Variants in ITGA2 observed in about 807,000 individuals in gnomAD.
ITGA2 encodes integrin subunit alpha 2.
A neutral mutation model predicts 146.3 loss-of-function variants in ITGA2; 101 were observed. The observed-to-expected ratio is 0.69, with a 90% CI of 0.59 to 0.81. The LOEUF is 0.81. Ranked by LOEUF, ITGA2 falls within the 40% of genes least tolerant of loss-of-function variation. The pLI is 0.00. For synonymous variants in ITGA2, 477 were observed against 487.1 expected, an observed-to-expected ratio of 0.98 and a Z score of 0.27; for missense variants, 1,281 against 1,402.7, an observed-to-expected ratio of 0.91 and a Z score of 1.39.
rs1288575039 is a variant in ITGA2, at chr5:53,003,628, T to C, written c.64+14096T>C. ...CAGAATGGATGGGCTTTTATAACCT[T>C]GGCTCAGAAATCACATAACTGCATC... is the stretch of plus-strand genomic sequence containing the variant. On this transcript the variant is annotated intron_variant, in intron 1 of 29. Transcript: ENST00000296585. Among the ~76,000 whole-genome samples the C allele has an allele frequency of 2.6e-5, 4 of 152,142 alleles. No homozygotes were observed. In the East Asian group the frequency reaches 5.8e-4, roughly 22 times the overall value.
Position 53,018,153 on chromosome 5 carries a change from C to T in ITGA2, c.65-8595C>T, listed in dbSNP as rs72760414. 8.6e-3 allele frequency among the ~76,000 whole-genome samples: 1,306 copies of T among 152,270 alleles called. 7 individuals carry two copies. Among genetic ancestry groups the T allele is most frequent in the Non-Finnish European group, 0.014 (948 of 67,998 alleles). On this transcript the variant is annotated intron_variant, in intron 1 of 29. Transcript: ENST00000296585. ...GATAGGACTGGCCCCATCCCACGGG[C>T]AAGACTGCCCTGCTCTGTCCGGGTC...
At chr5:53,011,811 T>C (rs1356208598) in intron 1 of ITGA2, among the ~76,000 whole-genome samples, 2 of 151,862 alleles carry the variant, frequency 1.3e-5, no homozygotes, top group Non-Finnish European at 2.9e-5. Context: ...CAGAAGGATG[T>C]TGGAATTAGA....
rs1740329696 is a variant in ITGA2, at chr5:53,089,896, C to T, written c.3349-50C>T. On this transcript the variant is annotated intron_variant, in intron 28 of 29. Transcript: ENST00000296585. Reference sequence around the variant, plus strand: ...TAGAGAATTGGACTAGACCATCTCCCCCCTTTTTTGTGGTATTAAAATAAC... The same window carrying T: ...TAGAGAATTGGACTAGACCATCTCCTCCCTTTTTTGTGGTATTAAAATAAC... The T allele has an allele frequency of 9.4e-6, 10 of 1,062,170 alleles. No homozygotes were observed. In the East Asian group the frequency reaches 2.1e-4, roughly 23 times the overall value. The allele number at this position is 1,062,170 out of a possible 1,614,324, so 65.8% of individuals were successfully genotyped here. A position where few individuals can be genotyped will look rare whatever the true frequency, so the allele number is the denominator to read the frequency against.
At position 53,056,118 on chromosome 5, in the gene ITGA2, G is replaced by A. The variant is rs776031989; in HGVS notation, c.1065G>A (p.Gly355=). The stretch of plus-strand genomic sequence containing the variant: ...AAGCAGCTCTACTAGAAAAGGCTGG[G>A]ACATTAGGAGAACAAATTTTCAGCA... ...SDEAALLEKA[G]TLGEQIFSIE... The change falls in exon 9 of 30, where the codon GGG becomes GGA. Residue 355 remains glycine (G), a synonymous_variant. Transcript: ENST00000296585. 17 of 1,611,808 alleles carry A rather than the reference G, an allele frequency of 1.1e-5. No individual in the cohort carries two copies. In the Admixed American group the frequency reaches 2.7e-4, roughly 25 times the overall value.
chr5:53,020,328 C>T (rs1561095600), intron 1 of ITGA2, among the ~76,000 whole-genome samples: 1 of 152,136 alleles, frequency 6.6e-6, no homozygotes, highest in Non-Finnish European at 1.5e-5. Flanking sequence ...AGACTTATTA[C>T]AAACATAGAG....
intron 14 of ITGA2, 37 bp downstream of exon 14, chr5:53,065,152 T>C: frequency 6.3e-7 from 1 of 1,589,588 alleles, no homozygotes; most frequent in Non-Finnish European, 8.6e-7. Context: ...TATGTATTTG[T>C]GGGTCTTATC....
chr5:53,002,141 A>G (rs1439860675), intron 1 of ITGA2, among the ~76,000 whole-genome samples: 2 of 152,090 alleles, frequency 1.3e-5, no homozygotes, highest in Non-Finnish European at 2.9e-5. Flanking sequence ...TTCAAAATAG[A>G]TTAAAACAAT....
chr5:53,002,941 GA>G (rs1425546761), intron 1 of ITGA2, among the ~76,000 whole-genome samples: 1 of 151,586 alleles, frequency 6.6e-6, no homozygotes, highest in Non-Finnish European at 1.5e-5. Context: ...CCTATCTTTT[GA>G]AAAAAAATAT....
intron 1 of ITGA2, among the ~76,000 whole-genome samples, chr5:53,018,818 C>T (rs1742527554): frequency 6.6e-6 from 1 of 152,150 alleles, no homozygotes; most frequent in Admixed American, 6.5e-5. Context: ...AATTCCAGCA[C>T]TTTGGGAGGC....
At chr5:53,054,423 T>C (rs1214171678) in intron 7 of ITGA2, among the ~76,000 whole-genome samples, 1 of 152,166 alleles carries the variant, frequency 6.6e-6, no homozygotes, top group African/African-American at 2.4e-5. Flanking sequence ...TTTGATACTA[T>C]CTATTAAAAT....
At chr5:53,072,171 A>G in intron 18 of ITGA2, 123 bp downstream of exon 18, 1 of 734,544 alleles carries the variant, frequency 1.4e-6, no homozygotes, top group Non-Finnish European at 2.4e-6. Flanking sequence ...ATGAACTACA[A>G]TTACATATGC....
chr5:53,034,192 C>T (rs953253699), intron 2 of ITGA2, among the ~76,000 whole-genome samples: 3 of 152,014 alleles, frequency 2.0e-5, no homozygotes, highest in South Asian at 2.1e-4. Context: ...TATATTCTTA[C>T]ACTTTTATTT....
chr5:53,091,614 A>G lies in ITGA2; in HGVS notation c.*1015A>G, dbSNP rs577409557. 4.6e-5 allele frequency: 7 copies of G among 152,284 alleles called. No individual in the cohort carries two copies. Among genetic ancestry groups the G allele is most frequent in the African/African-American group, 1.7e-4 (7 of 41,528 alleles). The allele number at this position is 152,284 out of a possible 1,614,324, so 9.4% of individuals were successfully genotyped here. A position where few individuals can be genotyped will look rare whatever the true frequency, so the allele number is the denominator to read the frequency against. On this transcript the variant is annotated 3_prime_UTR_variant, in exon 30 of 30. Transcript: ENST00000296585. ...GCCTGACTTTCTCTCCAGCGGTCCAAAGTTATCCCCTCCTTTACCCCTCAT... is the reference window on the plus strand; with the variant it reads ...GCCTGACTTTCTCTCCAGCGGTCCAGAGTTATCCCCTCCTTTACCCCTCAT...
chr5:53,030,111 G>A lies in ITGA2; in HGVS notation c.185+3243G>A, dbSNP rs1397428925. ...CTGCTGGTTGGAAGTTGAACAAGAC[G>A]AAAAGGGACACAGAGTTGAGAGGAT... On this transcript the variant is annotated intron_variant, in intron 2 of 29. Transcript: ENST00000296585. Among the ~76,000 whole-genome samples the A allele has an allele frequency of 5.3e-5, 8 of 152,342 alleles. No individual in the cohort carries two copies. In the South Asian group the frequency reaches 8.3e-4, roughly 16 times the overall value.
chr5:53,076,944 C>T (rs764359889), intron 23 of ITGA2, among the ~76,000 whole-genome samples: 8 of 152,020 alleles, frequency 5.3e-5, no homozygotes, highest in Admixed American at 2.0e-4. Context: ...TCCCCACCTT[C>T]CCTAGTGCCA....
chr5:53,090,035 G>C lies in ITGA2; in HGVS notation c.3438G>C (p.Leu1146=). The C allele has an allele frequency of 6.2e-7, 1 of 1,610,562 alleles. No individual in the cohort carries two copies. The highest frequency in any genetic ancestry group is 8.5e-7 in the Non-Finnish European group (1 of 1,176,828). The change falls in exon 29 of 30, where the codon CTG becomes CTC. Residue 1146 remains leucine (L), a synonymous_variant. Transcript: ENST00000296585. The part of the protein sequence containing the change: ...IGSIIAGILL[L]LALVAILWKL... The stretch of plus-strand genomic sequence containing the variant: ...GTATAATTGCTGGAATCCTTTTGCT[G>C]TTAGCTCTGGTTGCAATTTTATGGA...
chr5:53,059,468 A>AGCATGTC (rs1744802206), intron 10 of ITGA2, among the ~76,000 whole-genome samples: 1 of 151,938 alleles, frequency 6.6e-6, no homozygotes. Flanking sequence ...CTGTTTCTCA[A>AGCATGTC]GCATGTCTCA....
intron 2 of ITGA2, among the ~76,000 whole-genome samples, chr5:53,034,333 C>G (rs1334344218): frequency 6.6e-6 from 1 of 151,976 alleles, no homozygotes; most frequent in Non-Finnish European, 1.5e-5. Context: ...TGACAACCCC[C>G]CAAGAGGCGG....
chr5:53,025,357 G>T lies in ITGA2; in HGVS notation c.65-1391G>T, dbSNP rs531001202. 2.0e-5 allele frequency among the ~76,000 whole-genome samples: 3 copies of T among 152,322 alleles called. No homozygotes were observed. In the South Asian group the frequency reaches 6.2e-4, roughly 32 times the overall value. ...AAAATAGATGTTAAGGAGAAAATTT[G>T]CAGATGTTAAGCTTTGCAGATTTTG... On this transcript the variant is annotated intron_variant, in intron 1 of 29. Transcript: ENST00000296585.
Sources: allele counts gnomAD v4.1 joint callset (sites outside exome capture counted in the v4.1 genomes callset), GRCh38; gene constraint gnomAD v4.1.1; transcripts MANE v1.5; gene names NCBI Gene and HGNC (gene_info 2026-07-23, HGNC 2026-07-21).